Variants in NR6A1 observed in about 807,000 individuals in gnomAD.
NR6A1 encodes nuclear receptor subfamily 6 group A member 1, also known as retinoic acid receptor-related testis-associated receptor.
NR6A1 carries 7 observed loss-of-function variants against 59.1 expected under a neutral mutation model. That is an observed-to-expected ratio of 0.12 (90% CI 0.07 to 0.22). NR6A1 has a LOEUF of 0.22. Ranked by LOEUF, NR6A1 falls within the 10% of genes least tolerant of loss-of-function variation. The probability of loss-of-function intolerance (pLI) is 1.00; values close to 1 mark genes in which losing one functional copy is unlikely to be tolerated. For synonymous variants in NR6A1, 243 were observed against 236.1 expected (o/e 1.03, Z -0.27); for missense variants, 468 against 611.6 (o/e 0.77, Z 2.48).
chr9:124,682,810 G>C (rs553160658), intron 2 of NR6A1, among the ~76,000 whole-genome samples: 21 of 152,168 alleles, frequency 1.4e-4, no homozygotes, highest in African/African-American at 4.3e-4. Context: ...TTCTTTCTTT[G>C]TTTGGCAAGA....
intron 2 of NR6A1, among the ~76,000 whole-genome samples, chr9:124,609,901 C>G (rs1835689998): frequency 6.6e-6 from 1 of 152,134 alleles, no homozygotes; most frequent in Non-Finnish European, 1.5e-5. Flanking sequence ...CATGACTTGG[C>G]TCTCTGGTTA....
At chr9:124,654,988 C>T (rs190219294) in intron 2 of NR6A1, among the ~76,000 whole-genome samples, 4 of 151,322 alleles carry the variant, frequency 2.6e-5, no homozygotes, top group Non-Finnish European at 5.9e-5. Context: ...AATTTAACTG[C>T]ACTTTCAAAA....
intron 2 of NR6A1, among the ~76,000 whole-genome samples, chr9:124,620,635 C>T (rs1836042036): frequency 6.6e-6 from 1 of 152,058 alleles, no homozygotes. Flanking sequence ...TCTATAGAGA[C>T]AGTAGGATTA....
intron 1 of NR6A1, among the ~76,000 whole-genome samples, chr9:124,758,825 G>A (rs1840709071): frequency 6.6e-6 from 1 of 152,202 alleles, no homozygotes; most frequent in African/African-American, 2.4e-5. Context: ...CAGAGAATGT[G>A]GGCAGTCAGT....
chr9:124,592,195 A>C (rs1475665683), intron 2 of NR6A1, among the ~76,000 whole-genome samples: 1 of 152,172 alleles, frequency 6.6e-6, no homozygotes, highest in Non-Finnish European at 1.5e-5. Context: ...AATGGGCCAA[A>C]ATCCCAACCT....
chr9:124,732,537 A>G (rs943602856), intron 2 of NR6A1, among the ~76,000 whole-genome samples: 5 of 152,216 alleles, frequency 3.3e-5, no homozygotes, highest in African/African-American at 9.7e-5. Context: ...TATCTTAACC[A>G]TAAGACCGTA....
At chr9:124,770,285 A>G (rs1841090655) in intron 1 of NR6A1, 2 of 147,656 alleles carry the variant, frequency 1.4e-5, no homozygotes, top group Non-Finnish European at 3.0e-5. Flanking sequence ...GACCGGCCAG[A>G]GCGCGCGGGG....
chr9:124,540,314 A>T (rs1430861355), intron 4 of NR6A1, 127 bp from the exon 5 acceptor site: 1 of 1,006,656 alleles, frequency 9.9e-7, no homozygotes, highest in Non-Finnish European at 1.4e-6. Context: ...CCATCCCCAT[A>T]TTCCGGGCCT....
In NR6A1 at chr9:124,758,356, T is replaced by C. The variant is rs12683027; in HGVS notation, c.100+12664A>G. On this transcript the variant is annotated intron_variant, in intron 1 of 9. Transcript: ENST00000487099. ...AGGAAGTTTCCCTTCTGTTTTGCAATTTCCCTTAATGAATCAACGTTCTCA... is the reference window on the plus strand; with the variant it reads ...AGGAAGTTTCCCTTCTGTTTTGCAACTTCCCTTAATGAATCAACGTTCTCA... Among the ~76,000 whole-genome samples, 875 of 152,320 alleles carry C rather than the reference T, an allele frequency of 5.7e-3. 30 individuals are homozygous for C. The East Asian group carries it at 0.096, about 17-fold the overall frequency.
chr9:124,637,964 G>T (rs556402803), intron 2 of NR6A1, among the ~76,000 whole-genome samples: 1 of 152,030 alleles, frequency 6.6e-6, no homozygotes, highest in East Asian at 1.9e-4. Flanking sequence ...GTTAAATGGG[G>T]CTGCGCATGA....
chr9:124,600,584 T>C (rs942318068), intron 2 of NR6A1, among the ~76,000 whole-genome samples: 2 of 152,146 alleles, frequency 1.3e-5, no homozygotes, highest in Admixed American at 6.6e-5. Context: ...TAAAATAATA[T>C]TATGTGATCC....
intron 2 of NR6A1, among the ~76,000 whole-genome samples, chr9:124,633,167 G>A (rs1341398450): frequency 6.6e-6 from 1 of 152,098 alleles, no homozygotes; most frequent in Non-Finnish European, 1.5e-5. Flanking sequence ...CTCTTTGGGA[G>A]GCCAAGGCGA....
intron 1 of NR6A1, among the ~76,000 whole-genome samples, chr9:124,751,854 G>A (rs990732385): frequency 7.2e-5 from 11 of 152,170 alleles, no homozygotes; most frequent in African/African-American, 2.7e-4. Flanking sequence ...TTTTAAGGAT[G>A]CTATTTAAAA....
intron 1 of NR6A1, among the ~76,000 whole-genome samples, chr9:124,734,451 G>A (rs1274999717): frequency 1.3e-5 from 2 of 152,218 alleles, no homozygotes; most frequent in African/African-American, 4.8e-5. Flanking sequence ...CCAGCACTCT[G>A]GGAGGCCAAA....
At chr9:124,727,788 G>T (rs1406895667) in intron 2 of NR6A1, among the ~76,000 whole-genome samples, 1 of 150,428 alleles carries the variant, frequency 6.6e-6, no homozygotes. Context: ...AGGTTCAAGC[G>T]ATTCTCCTGC....
chr9:124,563,091 C>T (rs1834125405), intron 2 of NR6A1, among the ~76,000 whole-genome samples: 1 of 152,008 alleles, frequency 6.6e-6, no homozygotes, highest in Admixed American at 6.6e-5. Context: ...AAATCTGGCA[C>T]AATGAATGCT....
At chr9:124,537,445 C>G (rs1833302239) in intron 6 of NR6A1, among the ~76,000 whole-genome samples, 1 of 152,134 alleles carries the variant, frequency 6.6e-6, no homozygotes, top group African/African-American at 2.4e-5. Flanking sequence ...ATATTTTAAT[C>G]TCCTCTTCTG....
At chr9:124,635,788 C>G (rs950958800) in intron 2 of NR6A1, among the ~76,000 whole-genome samples, 3 of 152,154 alleles carry the variant, frequency 2.0e-5, no homozygotes, top group Admixed American at 2.0e-4. Context: ...CTTGGTTGCT[C>G]CCATGTTTTG....
chr9:124,702,391 T>A (rs190263894), intron 2 of NR6A1, among the ~76,000 whole-genome samples: 1 of 152,304 alleles, frequency 6.6e-6, no homozygotes, highest in African/African-American at 2.4e-5. Flanking sequence ...TGCCTTGGTA[T>A]CTTGGTCAAA....
Sources: allele counts gnomAD v4.1 joint callset (sites outside exome capture counted in the v4.1 genomes callset), GRCh38; gene constraint gnomAD v4.1.1; transcripts MANE v1.5; gene names NCBI Gene and HGNC (gene_info 2026-07-23, HGNC 2026-07-21).